The following KIAA1217 variants were observed in gnomAD, a reference collection of about 807,000 sequenced individuals.
The protein encoded by KIAA1217 is KIAA1217.
Under a neutral mutation model 163.9 loss-of-function variants are expected in KIAA1217, and 88 were observed. That is an observed-to-expected ratio of 0.54 (90% CI 0.45 to 0.64). The LOEUF (loss-of-function observed/expected upper bound fraction) is 0.64, where lower values mean the gene tolerates loss of function less well. Among genes scored for constraint, KIAA1217 ranks in the 30% least tolerant of loss-of-function variants. The pLI is 0.00. For synonymous variants in KIAA1217, 903 were observed against 923.1 expected, an observed-to-expected ratio of 0.98 and a Z score of 0.39; for missense variants, 2,372 against 2,475.0, an observed-to-expected ratio of 0.96 and a Z score of 0.88.
chr10:23,850,155 C>G (rs1394844957), intron 1 of KIAA1217, among the ~76,000 whole-genome samples: 1 of 152,038 alleles, frequency 6.6e-6, no homozygotes, highest in Admixed American at 6.6e-5. Flanking sequence ...CCCACAGGTG[C>G]CTTATTGTTC....
intron 1 of KIAA1217, among the ~76,000 whole-genome samples, chr10:23,911,271 G>A (rs1283801723): frequency 6.6e-6 from 1 of 152,124 alleles, no homozygotes; most frequent in African/African-American, 2.4e-5. Flanking sequence ...AAGGCACTAG[G>A]ACTGGCCTTA....
intron 6 of KIAA1217, among the ~76,000 whole-genome samples, chr10:24,483,367 C>T (rs1038667261): frequency 2.0e-5 from 3 of 152,172 alleles, no homozygotes; most frequent in African/African-American, 4.8e-5. Flanking sequence ...CCCTGCCCAC[C>T]TTCCGCCTGT....
intron 2 of KIAA1217, among the ~76,000 whole-genome samples, chr10:24,360,040 CT>C (rs34396312): frequency 0.1 from 9,295 of 92,052 alleles, 143 homozygotes; most frequent in South Asian, 0.2. Flanking sequence ...GATATAATTA[CT>C]TTTTTTTTTT....
intron 2 of KIAA1217, among the ~76,000 whole-genome samples, chr10:24,188,486 C>T (rs114137132): frequency 0.012 from 1,816 of 152,242 alleles, 37 homozygotes; most frequent in African/African-American, 0.042. Context: ...TAGCCTGTGG[C>T]ACAGTATGAG....
intron 3 of KIAA1217, among the ~76,000 whole-genome samples, chr10:24,423,747 G>T (rs995310481): frequency 2.6e-5 from 4 of 152,152 alleles, no homozygotes; most frequent in African/African-American, 4.8e-5. Context: ...TGTTGCCCAG[G>T]TTGGTCTCAA....
At chr10:24,402,895 C>CTG (rs2056749646) in intron 3 of KIAA1217, among the ~76,000 whole-genome samples, 1 of 152,162 alleles carries the variant, frequency 6.6e-6, no homozygotes, top group African/African-American at 2.4e-5. Flanking sequence ...CTTTGGGAGG[C>CTG]TGATGTGGGA....
At position 24,013,545 on chromosome 10, in the gene KIAA1217, G is replaced by C. The variant is rs1847342420; in HGVS notation, c.-171+6171G>C. On this transcript the variant is annotated intron_variant, in intron 2 of 18. Transcript: ENST00000376462. ...ATGTCTGTGTTATAGATCATAATTA[G>C]TGTGAATAACAGAATCAACTGCATT... Among the ~76,000 whole-genome samples the C allele has an allele frequency of 2.0e-5, 3 of 152,068 alleles. No homozygotes were observed. In the South Asian group the frequency reaches 6.2e-4, roughly 31 times the overall value.
At chr10:23,743,192 A>G (rs985793056) in intron 1 of KIAA1217, among the ~76,000 whole-genome samples, 1 of 152,038 alleles carries the variant, frequency 6.6e-6, no homozygotes, top group African/African-American at 2.4e-5. Context: ...TGAACTTAAT[A>G]CAAAATTGGA....
intron 1 of KIAA1217, among the ~76,000 whole-genome samples, chr10:23,867,677 C>T (rs1055371561): frequency 5.9e-5 from 9 of 152,152 alleles, no homozygotes; most frequent in South Asian, 2.1e-4. Flanking sequence ...TCATGTCCTT[C>T]GCCTACTTTT....
At chr10:23,938,432 G>A in intron 1 of KIAA1217, among the ~76,000 whole-genome samples, 1 of 151,628 alleles carries the variant, frequency 6.6e-6, no homozygotes, top group Non-Finnish European at 1.5e-5. Context: ...TATATACACC[G>A]AGACCTCTAT....
chr10:23,786,001 A>T (rs1835475353), intron 1 of KIAA1217, among the ~76,000 whole-genome samples: 1 of 152,196 alleles, frequency 6.6e-6, no homozygotes, highest in Non-Finnish European at 1.5e-5. Context: ...TAAATCAGAC[A>T]TAAAAGTTGC....
chr10:23,822,417 G>A (rs1270303694), intron 1 of KIAA1217, among the ~76,000 whole-genome samples: 4 of 152,198 alleles, frequency 2.6e-5, no homozygotes, highest in Non-Finnish European at 5.9e-5. Flanking sequence ...ACACATATCA[G>A]AGTGGGAATT....
chr10:24,091,378 T>C (rs545197045), intron 2 of KIAA1217, among the ~76,000 whole-genome samples: 1 of 152,110 alleles, frequency 6.6e-6, no homozygotes, highest in African/African-American at 2.4e-5. Context: ...ATTTTCTTTT[T>C]AACAGATGGA....
intron 2 of KIAA1217, chr10:24,275,553 A>C: frequency 2.3e-6 from 1 of 431,216 alleles, no homozygotes; most frequent in Non-Finnish European, 4.6e-6. Flanking sequence ...TTTGAGGGTC[A>C]CAAACAGATT....
At chr10:23,752,843 A>G (rs781738813) in intron 1 of KIAA1217, among the ~76,000 whole-genome samples, 3 of 152,190 alleles carry the variant, frequency 2.0e-5, no homozygotes, top group Non-Finnish European at 4.4e-5. Flanking sequence ...GTATTACCCA[A>G]CAACTTCCAC....
chr10:24,298,535 C>T (rs1198185823), intron 2 of KIAA1217, among the ~76,000 whole-genome samples: 2 of 152,070 alleles, frequency 1.3e-5, no homozygotes, highest in Non-Finnish European at 2.9e-5. Flanking sequence ...CAGTGGCTCA[C>T]GTCTATCATT....
chr10:24,125,439 G>C (rs1049915977), intron 2 of KIAA1217, among the ~76,000 whole-genome samples: 1 of 151,280 alleles, frequency 6.6e-6, no homozygotes, highest in Admixed American at 6.6e-5. Context: ...TCATGTAATT[G>C]TAAGCTACAT....
At chr10:24,134,568 G>T (rs987959778) in intron 2 of KIAA1217, among the ~76,000 whole-genome samples, 6 of 151,972 alleles carry the variant, frequency 3.9e-5, no homozygotes, top group Non-Finnish European at 7.4e-5. Context: ...TGGAGGTATT[G>T]GGTATTAATT....
At chr10:24,485,775 C>T (rs1248618587) in intron 6 of KIAA1217, among the ~76,000 whole-genome samples, 1 of 152,198 alleles carries the variant, frequency 6.6e-6, no homozygotes, top group Non-Finnish European at 1.5e-5. Context: ...TGTAGGGTGA[C>T]AGCCTTTGGG....
Sources: allele counts gnomAD v4.1 joint callset (sites outside exome capture counted in the v4.1 genomes callset), GRCh38; gene constraint gnomAD v4.1.1; transcripts MANE v1.5; gene names NCBI Gene and HGNC (gene_info 2026-07-23, HGNC 2026-07-21).